Variants in NKX2-2 observed in about 807,000 individuals in gnomAD.
NKX2-2 encodes NK2 homeobox 2, also known as homeobox protein Nkx-2.2.
A neutral mutation model predicts 24.6 loss-of-function variants in NKX2-2; 8 were observed. That is an observed-to-expected ratio of 0.32 (90% CI 0.19 to 0.59). NKX2-2 has a LOEUF of 0.59. Among genes scored for constraint, NKX2-2 ranks in the 20% least tolerant of loss-of-function variants. The pLI, the probability that NKX2-2 is intolerant of heterozygous loss-of-function variation, is 0.86. For synonymous variants in NKX2-2, 217 were observed against 173.3 expected, an observed-to-expected ratio of 1.25 and a Z score of -1.98; for missense variants, 381 against 373.9, an observed-to-expected ratio of 1.02 and a Z score of -0.16.
At chr20:21,521,982 C>T in the NKX2-2 span, among the ~76,000 whole-genome samples, 47 of 152,364 alleles carry the variant, frequency 3.1e-4, no homozygotes, top group African/African-American at 1.1e-3. Flanking sequence ...TGCCGCGCCC[C>T]TCCCTCCTCC....
At chr20:21,516,652 C>G (rs1980647735), upstream of NKX2-2, among the ~76,000 whole-genome samples, 1 of 152,164 alleles carries the variant, frequency 6.6e-6, no homozygotes, top group South Asian at 2.1e-4. Flanking sequence ...TTTGTTCCTC[C>G]TCTTATTCCT....
chr20:21,522,683 G>A, the NKX2-2 span, among the ~76,000 whole-genome samples: 1 of 151,514 alleles, frequency 6.6e-6, no homozygotes, highest in South Asian at 2.1e-4. Context: ...GGCTCGACGC[G>A]GCCGGCGAGC....
At chr20:21,521,950 C>G in the NKX2-2 span, among the ~76,000 whole-genome samples, 1 of 152,216 alleles carries the variant, frequency 6.6e-6, no homozygotes. Context: ...CTCAGGGGAC[C>G]GCAGGCGGGG....
upstream of NKX2-2, among the ~76,000 whole-genome samples, chr20:21,514,937 C>T (rs1280230752): frequency 6.6e-6 from 1 of 152,236 alleles, no homozygotes; most frequent in Non-Finnish European, 1.5e-5. Flanking sequence ...TTGCTAAAGA[C>T]TCATTTATTT....
Position 21,513,302 on chromosome 20 carries a change from G to T in NKX2-2, c.259+109C>A. ...ATCTTTCTACGGATCCGAGTGAGGGGGTCCGGGCTTACATGGCCCCTTCCC... is the reference window on the plus strand; with the variant it reads ...ATCTTTCTACGGATCCGAGTGAGGGTGTCCGGGCTTACATGGCCCCTTCCC... On this transcript the variant is annotated intron_variant, in intron 1 of 1. Coordinates refer to ENST00000377142, the MANE Select transcript of NKX2-2 (RefSeq NM_002509.4). The surrounding 1 kb of genome is among the most constrained non-coding windows in gnomAD (Gnocchi z 4.6). 1 of 1,197,346 alleles carries T rather than the reference G, an allele frequency of 8.4e-7. No individual in the cohort carries two copies. Among genetic ancestry groups the T allele is most frequent in the Non-Finnish European group, 1.1e-6 (1 of 878,426 alleles). The allele number at this position is 1,197,346 out of a possible 1,614,324, so 74.2% of individuals were successfully genotyped here.
At chr20:21,522,085 C>T in the NKX2-2 span, among the ~76,000 whole-genome samples, 1 of 152,252 alleles carries the variant, frequency 6.6e-6, no homozygotes, top group African/African-American at 2.4e-5. Flanking sequence ...ATCACCTGGC[C>T]TCGGCGGCTG....
upstream of NKX2-2, among the ~76,000 whole-genome samples, chr20:21,515,910 T>C (rs1273499052): frequency 6.6e-6 from 1 of 152,106 alleles, no homozygotes; most frequent in Non-Finnish European, 1.5e-5. Context: ...TCGCCCCCAG[T>C]ATGTGACGTG....
chr20:21,513,326 C>G lies in NKX2-2; in HGVS notation c.259+85G>C. 3 of 1,415,704 alleles carry G rather than the reference C, an allele frequency of 2.1e-6. No homozygotes were observed. The highest frequency in any genetic ancestry group is 3.1e-5 in the South Asian group (2 of 64,100). The allele number at this position is 1,415,704 out of a possible 1,614,324, so 87.7% of individuals were successfully genotyped here. A position where few individuals can be genotyped will look rare whatever the true frequency, so the allele number is the denominator to read the frequency against. The stretch of plus-strand genomic sequence containing the variant: ...GGGTCCGGGCTTACATGGCCCCTTC[C>G]CCTTTCACTCCCAGCGTCCAACCCG... On this transcript the variant is annotated intron_variant, in intron 1 of 1. Transcript: ENST00000377142. The surrounding 1 kb of genome is among the most constrained non-coding windows in gnomAD (Gnocchi z 4.6).
upstream of NKX2-2, among the ~76,000 whole-genome samples, chr20:21,517,826 A>G (rs184255983): frequency 4.7e-4 from 72 of 152,214 alleles, no homozygotes; most frequent in Non-Finnish European, 8.1e-4. Flanking sequence ...TAGGCCTTCT[A>G]GAGCCCAGGA....
upstream of NKX2-2, among the ~76,000 whole-genome samples, chr20:21,515,455 G>C (rs1980609067): frequency 6.6e-6 from 1 of 152,140 alleles, no homozygotes; most frequent in Non-Finnish European, 1.5e-5. Flanking sequence ...ACGTTTCCAG[G>C]TTAAGTCAGG....
upstream of NKX2-2, among the ~76,000 whole-genome samples, chr20:21,518,696 C>T (rs1407677524): frequency 6.6e-6 from 1 of 152,274 alleles, no homozygotes; most frequent in Non-Finnish European, 1.5e-5. Context: ...AGGCACCCTG[C>T]TTTCCCGGCT....
upstream of NKX2-2, among the ~76,000 whole-genome samples, chr20:21,514,917 C>G (rs947693361): frequency 4.6e-5 from 7 of 152,260 alleles, no homozygotes; most frequent in Non-Finnish European, 7.3e-5. Context: ...CCCTTCCAGC[C>G]GCCCTTTATT....
At chr20:21,518,882 C>G (rs1218864856), upstream of NKX2-2, among the ~76,000 whole-genome samples, 1 of 152,232 alleles carries the variant, frequency 6.6e-6, no homozygotes, top group African/African-American at 2.4e-5. Flanking sequence ...GCATCCGACC[C>G]TCCCCCCATC....
At chr20:21,517,316 T>C (rs537956160), upstream of NKX2-2, among the ~76,000 whole-genome samples, 50 of 152,294 alleles carry the variant, frequency 3.3e-4, no homozygotes, top group African/African-American at 1.2e-3. Flanking sequence ...CCAGTTTTTA[T>C]TTCCCCTGGC....
upstream of NKX2-2, among the ~76,000 whole-genome samples, chr20:21,518,581 A>C (rs1980697815): frequency 6.6e-6 from 1 of 152,202 alleles, no homozygotes; most frequent in South Asian, 2.1e-4. Context: ...GCCCCACTCC[A>C]GGACAAGTGG....
chr20:21,518,572 C>T (rs1980697640), upstream of NKX2-2, among the ~76,000 whole-genome samples: 1 of 152,176 alleles, frequency 6.6e-6, no homozygotes, highest in South Asian at 2.1e-4. Context: ...GGCTAAGTGG[C>T]CCCACTCCAG....
In NKX2-2 at chr20:21,512,408, C is replaced by G. The variant is rs746596189; in HGVS notation, c.337G>C (p.Asp113His). 3.1e-5 allele frequency: 49 copies of G among 1,597,884 alleles called. No homozygotes were observed. The East Asian group carries it at 1.1e-3, about 35-fold the overall frequency. Residue 113 changes from aspartate (D) to histidine (H), a missense_variant, in exon 2 of 2, where the codon GAC becomes CAC. Transcript: ENST00000377142. ...CCGCCCGGGGTCTCCTTGTCATTGT[C>G]CGGTGACTCGTCGGCCGAGGGCTCC... ...SPEPSADESP[D>H]NDKETPGGGG...
chr20:21,517,153 G>C (rs568530034), upstream of NKX2-2, among the ~76,000 whole-genome samples: 54 of 152,280 alleles, frequency 3.5e-4, no homozygotes, highest in African/African-American at 1.3e-3. Context: ...TTGCCTTTGC[G>C]CCTGCCCCTT....
chr20:21,521,639 C>T, the NKX2-2 span, among the ~76,000 whole-genome samples: 1 of 152,234 alleles, frequency 6.6e-6, no homozygotes, highest in Non-Finnish European at 1.5e-5. Flanking sequence ...TTCGGGACTT[C>T]TGCCTCTGTT....
Sources: gnomAD v4.1 joint callset for allele counts (sites outside exome capture counted in the v4.1 genomes callset) on GRCh38, gnomAD v4.1.1 for gene constraint, Gnocchi (gnomAD v3.1) non-coding constraint, MANE v1.5 for transcripts, NCBI Gene and HGNC (gene_info 2026-07-23, HGNC 2026-07-21) for gene names.